FHIT: variants seen among roughly 807,000 people sequenced by gnomAD.
FHIT encodes fragile histidine triad diadenosine triphosphatase, also known as bis(5'-adenosyl)-triphosphatase.
FHIT carries 19 observed loss-of-function variants against 17.9 expected under a neutral mutation model. The ratio of observed to expected loss-of-function variants is 1.06; its 90% CI spans 0.74 to 1.56. FHIT has a LOEUF of 1.56. Ranked by LOEUF, FHIT falls within the 40% of genes most tolerant of loss-of-function variation. The probability of loss-of-function intolerance (pLI) is 0.00; values close to 1 mark genes in which losing one functional copy is unlikely to be tolerated. For synonymous variants in FHIT, 81 were observed against 69.7 expected (o/e 1.16, Z -0.81); for missense variants, 248 against 189.2 (o/e 1.31, Z -1.82).
intron 5 of FHIT, among the ~76,000 whole-genome samples, chr3:60,155,189 AAAG>A (rs1272502735): frequency 2.6e-5 from 4 of 151,722 alleles, no homozygotes; most frequent in Non-Finnish European, 5.9e-5. Context: ...AAAAAAAAAA[AAAG>A]TCACAGAGCT....
intron 4 of FHIT, among the ~76,000 whole-genome samples, chr3:60,688,523 C>T (rs1254944260): frequency 4.6e-5 from 7 of 151,940 alleles, no homozygotes; most frequent in African/African-American, 1.7e-4. Context: ...CCTTCACCTC[C>T]TGGGTTCAAG....
At chr3:60,360,506 GGTTTTAA>G (rs1448110499) in intron 5 of FHIT, among the ~76,000 whole-genome samples, 1 of 152,050 alleles carries the variant, frequency 6.6e-6, no homozygotes, top group Non-Finnish European at 1.5e-5. Context: ...GAGAGCCCTG[GGTTTTAA>G]TTCTGTCTTT....
At chr3:59,832,886 G>T (rs1348878974) in intron 8 of FHIT, among the ~76,000 whole-genome samples, 2 of 152,160 alleles carry the variant, frequency 1.3e-5, no homozygotes, top group Non-Finnish European at 2.9e-5. Context: ...TGTTGTAAAA[G>T]TAAGAGCTCC....
At chr3:60,445,850 CT>C (rs1345047421) in intron 5 of FHIT, among the ~76,000 whole-genome samples, 2 of 151,856 alleles carry the variant, frequency 1.3e-5, no homozygotes, top group African/African-American at 4.8e-5. Flanking sequence ...CTCTACTCAT[CT>C]TCCTATGCAG....
At chr3:60,034,808 T>C (rs1228296937) in intron 5 of FHIT, among the ~76,000 whole-genome samples, 2 of 152,200 alleles carry the variant, frequency 1.3e-5, no homozygotes, top group African/African-American at 4.8e-5. Flanking sequence ...ATTAAAGCCC[T>C]GGTTAGAAAT....
chr3:61,034,427 AAAAC>A (rs1313616274), intron 3 of FHIT, among the ~76,000 whole-genome samples: 1 of 152,136 alleles, frequency 6.6e-6, no homozygotes, highest in African/African-American at 2.4e-5. Context: ...AACAACAATA[AAAAC>A]AAACAAACAA....
At chr3:59,756,019 C>T (rs374508043) in intron 8 of FHIT, among the ~76,000 whole-genome samples, 9 of 152,058 alleles carry the variant, frequency 5.9e-5, no homozygotes, top group Admixed American at 2.6e-4. Flanking sequence ...TGAGCAGTGC[C>T]GTGCCTGACA....
chr3:60,231,554 G>A (rs961280593), intron 5 of FHIT, among the ~76,000 whole-genome samples: 2 of 152,090 alleles, frequency 1.3e-5, no homozygotes, highest in African/African-American at 4.8e-5. Flanking sequence ...TTTTATCACT[G>A]AACAAGACAC....
chr3:60,626,784 TC>T (rs781792679), intron 4 of FHIT, among the ~76,000 whole-genome samples: 1,428 of 55,630 alleles, frequency 0.026, 20 homozygotes, highest in South Asian at 0.033. Context: ...GGGAAAACAC[TC>T]TTTTTTTTTT....
chr3:59,899,758 A>G lies in FHIT; in HGVS notation c.348+22588T>C, dbSNP rs1177075900. Among the ~76,000 whole-genome samples the G allele has an allele frequency of 3.9e-5, 6 of 152,190 alleles. No individual in the cohort carries two copies. In the East Asian group the frequency reaches 1.2e-3, roughly 29 times the overall value. On this transcript the variant is annotated intron_variant, in intron 8 of 9. Coordinates refer to ENST00000492590, the MANE Select transcript of FHIT (RefSeq NM_002012.4). ...CTACTCAGGAGGCTGAGGCAGGAGA[A>G]CTGCTTGAACCCGGGAGGCGGAGGT...
chr3:59,802,958 A>G (rs1700057544), intron 8 of FHIT, among the ~76,000 whole-genome samples: 1 of 152,130 alleles, frequency 6.6e-6, no homozygotes. Flanking sequence ...ACGGGTATAC[A>G]TCTTACCTAT....
chr3:59,808,709 A>G (rs886739854), intron 8 of FHIT, among the ~76,000 whole-genome samples: 2 of 152,328 alleles, frequency 1.3e-5, no homozygotes, highest in African/African-American at 4.8e-5. Context: ...AAGAACAGGG[A>G]TAAACAAGGA....
At chr3:59,871,593 T>C (rs587775) in intron 8 of FHIT, among the ~76,000 whole-genome samples, 26,397 of 152,112 alleles carry the variant, frequency 0.17, 2,403 homozygotes, top group Non-Finnish European at 0.2. Context: ...CAAAGTTTCA[T>C]TTTATTTGCC....
At chr3:60,816,082 A>G (rs1701730210) in intron 4 of FHIT, among the ~76,000 whole-genome samples, 1 of 152,110 alleles carries the variant, frequency 6.6e-6, no homozygotes, top group South Asian at 2.1e-4. Context: ...ATTTCTGTAC[A>G]TTGATTTAAT....
intron 5 of FHIT, among the ~76,000 whole-genome samples, chr3:60,274,775 A>G (rs213348): frequency 0.18 from 27,906 of 152,204 alleles, 2,753 homozygotes; most frequent in South Asian, 0.35. Flanking sequence ...TCATGGCCTT[A>G]GTAGCCAGAC....
At chr3:60,708,544 G>A (rs1298208158) in intron 4 of FHIT, among the ~76,000 whole-genome samples, 1 of 152,192 alleles carries the variant, frequency 6.6e-6, no homozygotes, top group African/African-American at 2.4e-5. Context: ...AAAGGCGAAT[G>A]TAGTGAAACC....
intron 4 of FHIT, among the ~76,000 whole-genome samples, chr3:60,806,784 G>A (rs1220080439): frequency 6.6e-6 from 1 of 152,224 alleles, no homozygotes; most frequent in Non-Finnish European, 1.5e-5. Context: ...CACAGTAAAA[G>A]TTTGCTGTAA....
intron 3 of FHIT, among the ~76,000 whole-genome samples, chr3:60,952,011 C>T (rs1708905747): frequency 6.6e-6 from 1 of 151,726 alleles, no homozygotes; most frequent in Non-Finnish European, 1.5e-5. Context: ...ACTAAAAATA[C>T]AAAAATTAGC....
chr3:61,226,748 TACACAA>T (rs1255600635), intron 1 of FHIT, among the ~76,000 whole-genome samples: 1 of 152,242 alleles, frequency 6.6e-6, no homozygotes, highest in Non-Finnish European at 1.5e-5. Flanking sequence ...TGTCCATACA[TACACAA>T]ATGCAAATGC....
Sources: gnomAD v4.1 joint callset for allele counts (sites outside exome capture counted in the v4.1 genomes callset) on GRCh38, gnomAD v4.1.1 for gene constraint, MANE v1.5 for transcripts, NCBI Gene and HGNC (gene_info 2026-07-23, HGNC 2026-07-21) for gene names.